The following ITPR3 variants were observed in gnomAD, a reference collection of about 807,000 sequenced individuals.
ITPR3 encodes the protein inositol 1,4,5-trisphosphate-gated calcium channel ITPR3.
A neutral mutation model predicts 293.2 loss-of-function variants in ITPR3; 173 were observed. The observed-to-expected ratio is 0.59, with a 90% CI of 0.52 to 0.67. The LOEUF (loss-of-function observed/expected upper bound fraction) is 0.67. Ranked by LOEUF, ITPR3 falls within the 30% of genes least tolerant of loss-of-function variation. ITPR3 has a pLI of 0.00. For missense variants in ITPR3, 2,796 were observed against 3,592.1 expected (o/e 0.78, Z 5.66); for synonymous variants, 1,295 against 1,444.4 (o/e 0.90, Z 2.35).
At chr6:33,686,381 C>A in intron 42 of ITPR3, 28 bp from the exon 43 acceptor site, 1 of 1,603,232 alleles carries the variant, frequency 6.2e-7, no homozygotes, top group Non-Finnish European at 8.5e-7. Context: ...AGGGCCTGGG[C>A]CCTGTGTCCC....
chr6:33,658,768 C>T lies in ITPR3; in HGVS notation c.468C>T (p.Gly156=). The change falls in exon 5 of 58, where the codon GGC becomes GGT. Residue 156 remains glycine, a synonymous_variant. Coordinates refer to ENST00000605930, the MANE Select transcript of ITPR3 (RefSeq NM_002224.4). This position sits in a 1 kb window ranked among gnomAD's most constrained non-coding sequence, Gnocchi z 6.1. ...TGCGGGTGACTCTGGATGCCACAGGCAACGAGGGTTCCTGGCTCTTCATCC... is the reference window on the plus strand; with the variant it reads ...TGCGGGTGACTCTGGATGCCACAGGTAACGAGGGTTCCTGGCTCTTCATCC... The part of the protein sequence containing the change: ...NAMRVTLDAT[G]NEGSWLFIQP... The T allele has an allele frequency of 6.2e-7, 1 of 1,614,178 alleles. No homozygotes were observed. Among genetic ancestry groups the T allele is most frequent in the South Asian group, 1.1e-5 (1 of 91,074 alleles).
chr6:33,622,383 A>G (rs1236383787), intron 1 of ITPR3, among the ~76,000 whole-genome samples: 1 of 152,186 alleles, frequency 6.6e-6, no homozygotes. Flanking sequence ...TCTGGGCTGG[A>G]TGAACAGGGA....
intron 2 of ITPR3, among the ~76,000 whole-genome samples, chr6:33,648,981 CCTCTGCCTCCCAGGCAGGTTCAAGCAATT>C (rs1376085864): frequency 3.3e-5 from 5 of 152,190 alleles, no homozygotes; most frequent in African/African-American, 1.2e-4. Context: ...CTCACTGCAA[CCTCTGCCTCCCAGGCAGGTTCAAGCAATT>C]CTCTGCCTCA....
rs1162037448 is a variant in ITPR3 at position 33,675,099 on chromosome 6, G to A, written c.3117-592G>A. Among the ~76,000 whole-genome samples, 4 of 152,148 alleles carry A rather than the reference G, an allele frequency of 2.6e-5. No individual in the cohort carries two copies. Among genetic ancestry groups the A allele is most frequent in the African/African-American group, 7.2e-5 (3 of 41,426 alleles). ...CCCCGCTTCTATCCATGAATCCCCC[G>A]CATGGTGGCAGTGGGATCTGTGTTA... On this transcript the variant is annotated intron_variant, in intron 24 of 57. Transcript: ENST00000605930. The surrounding 1 kb of genome is among the most constrained non-coding windows in gnomAD (Gnocchi z 5.0).
rs1764894739 is a variant in ITPR3 at position 33,675,899 on chromosome 6, A to G, written c.3282+43A>G. 6.6e-7 allele frequency: 1 copy of G among 1,511,388 alleles called. No homozygotes were observed. The highest frequency in any genetic ancestry group is 2.2e-5 in the Admixed American group (1 of 46,086). 93.6% of individuals were successfully genotyped at this position (1,511,388 alleles called of 1,614,324 possible). On this transcript the variant is annotated intron_variant, in intron 25 of 57. Coordinates refer to ENST00000605930, the MANE Select transcript of ITPR3 (RefSeq NM_002224.4). This position sits in a 1 kb window ranked among gnomAD's most constrained non-coding sequence, Gnocchi z 5.0. ...CCCTGGCCCTGAGCATGAGGCCTGC[A>G]CCAGGCACGGGGGGACAGTAAACGA...
At position 33,674,288 on chromosome 6, in the gene ITPR3, G is replaced by C. The variant is rs112080481; in HGVS notation, c.3116+23G>C. ...GGGGTGAGGCCAGGGTTGAGCTGCA[G>C]GGGTGTGTGGGGTTGGGAGGCTCGA... is the stretch of plus-strand genomic sequence containing the variant. On this transcript the variant is annotated intron_variant, in intron 24 of 57. Transcript: ENST00000605930. The C allele has an allele frequency of 4.2e-3, 6,795 of 1,612,322 alleles. 211 individuals carry two copies. In the African/African-American group the frequency reaches 0.07, roughly 17 times the overall value.
rs765948063 is a variant in ITPR3, at chr6:33,688,399, A to G, written c.6536A>G (p.His2179Arg). 33 of 1,504,532 alleles carry G rather than the reference A, an allele frequency of 2.2e-5. No homozygotes were observed. Among genetic ancestry groups the G allele is most frequent in the Non-Finnish European group, 2.9e-5 (32 of 1,115,166 alleles). The allele number at this position is 1,504,532 out of a possible 1,614,324, so 93.2% of individuals were successfully genotyped here. The part of the protein sequence containing the change: ...SDFFDQSSFL[H>R]NEMEWQRKLR... ...TTCTTCGACCAGTCCTCCTTCCTGC[A>G]CAACGAGATGGAGTGGCAGCGCAAG... is the stretch of plus-strand genomic sequence containing the variant. The change falls in exon 48 of 58, where the codon CAC (histidine) becomes CGC (arginine). Residue 2179 changes from histidine (H) to arginine (R), a missense_variant. By Grantham distance (29) the His-to-Arg change is conservative. Coordinates refer to ENST00000605930, the MANE Select transcript of ITPR3 (RefSeq NM_002224.4).
intron 7 of ITPR3, among the ~76,000 whole-genome samples, chr6:33,660,340 A>T (rs1056263141): frequency 1.7e-4 from 26 of 151,968 alleles, no homozygotes; most frequent in Admixed American, 1.7e-3. Flanking sequence ...AAGGAGTCTT[A>T]GGTGCTCCTC....
Position 33,688,761 on chromosome 6 carries a change from A to C in ITPR3, c.6674A>C (p.Tyr2225Ser). ...INIIIAFFYPYMEGASTGVLD... is the reference protein window; with the variant it reads ...INIIIAFFYPSMEGASTGVLD... ...ATCATCATTGCCTTCTTCTACCCTT[A>C]CATGGAGGGCGCGTCCACAGGTGAG... Residue 2225 changes from tyrosine to serine, a missense_variant, in exon 49 of 58, where the codon TAC (tyrosine) becomes TCC (serine). Tyr to Ser is a moderately radical substitution (Grantham distance 144). Transcript: ENST00000605930. 6.2e-7 allele frequency: 1 copy of C among 1,614,190 alleles called. No individual in the cohort carries two copies. The highest frequency in any genetic ancestry group is 8.5e-7 in the Non-Finnish European group (1 of 1,180,022).
Position 33,624,952 on chromosome 6 carries a change from G to A in ITPR3, c.89+3261G>A, listed in dbSNP as rs1763518035. ...TTGTACATTAACTCTAGGTGGGAAGGATGGGAGGGATCTGGGTAGTGGATC... is the reference window on the plus strand; with the variant it reads ...TTGTACATTAACTCTAGGTGGGAAGAATGGGAGGGATCTGGGTAGTGGATC... On this transcript the variant is annotated intron_variant, in intron 1 of 57. Transcript: ENST00000605930. This position sits in a 1 kb window ranked among gnomAD's most constrained non-coding sequence, Gnocchi z 4.7. 6.6e-6 allele frequency among the ~76,000 whole-genome samples: 1 copy of A among 152,218 alleles called. No individual in the cohort carries two copies. Among genetic ancestry groups the A allele is most frequent in the African/African-American group, 2.4e-5 (1 of 41,454 alleles).
At position 33,632,923 on chromosome 6, in the gene ITPR3, G is replaced by A. The variant is rs1458681729; in HGVS notation, c.90-7561G>A. Among the ~76,000 whole-genome samples, 1 of 152,236 alleles carries A rather than the reference G, an allele frequency of 6.6e-6. No homozygotes were observed. The highest frequency in any genetic ancestry group is 1.5e-5 in the Non-Finnish European group (1 of 68,044). On this transcript the variant is annotated intron_variant, in intron 1 of 57. Coordinates refer to ENST00000605930, the MANE Select transcript of ITPR3 (RefSeq NM_002224.4). This position sits in a 1 kb window ranked among gnomAD's most constrained non-coding sequence, Gnocchi z 4.1. ...TAGTAGGCTCGTGGTGAGGTCTGTC[G>A]AGTAGATGGAGGCCTGGGTTGTGTC...
Position 33,690,156 on chromosome 6 carries a change from T to C in ITPR3, c.6990T>C (p.Ser2330=), listed in dbSNP as rs1272915250. The C allele has an allele frequency of 1.9e-6, 3 of 1,613,664 alleles. No individual in the cohort carries two copies. The highest frequency in any genetic ancestry group is 2.5e-6 in the Non-Finnish European group (3 of 1,179,878). The change falls in exon 51 of 58, where the codon AGT becomes AGC. Residue 2330 remains serine, a synonymous_variant. Coordinates refer to ENST00000605930, the MANE Select transcript of ITPR3 (RefSeq NM_002224.4). ...ACCACGTGGGCTACATCCTGACCAGTGTCCTGGGCCTCTTTGCTCATGAGC... is the reference window on the plus strand; with the variant it reads ...ACCACGTGGGCTACATCCTGACCAGCGTCCTGGGCCTCTTTGCTCATGAGC... ...FLYHVGYILT[S]VLGLFAHELF... is the part of the protein sequence containing the mutation.
Position 33,656,234 on chromosome 6 carries a change from C to G in ITPR3, c.282+347C>G, listed in dbSNP as rs557694584. ...GATGTGGGGGGAGTAGGATCCCTTC[C>G]CAGTGACCCACCAGTCTGTGTAACT... On this transcript the variant is annotated intron_variant, in intron 3 of 57. Transcript: ENST00000605930. 3.3e-5 allele frequency among the ~76,000 whole-genome samples: 5 copies of G among 152,262 alleles called. No homozygotes were observed. The East Asian group carries it at 9.6e-4, about 29-fold the overall frequency.
rs559794670 is a variant in ITPR3, at chr6:33,695,913, T to C, written c.*133T>C. On this transcript the variant is annotated 3_prime_UTR_variant, in exon 58 of 58. Coordinates refer to ENST00000605930, the MANE Select transcript of ITPR3 (RefSeq NM_002224.4). Reference sequence around the variant, plus strand: ...TCCACTCCCACTCTGCCAGACACCCTGACACCCACCCAGGCTTTGAAGAGC... The same window carrying C: ...TCCACTCCCACTCTGCCAGACACCCCGACACCCACCCAGGCTTTGAAGAGC... 2.6e-6 allele frequency: 2 copies of C among 764,542 alleles called. No homozygotes were observed. Among genetic ancestry groups the C allele is most frequent in the Admixed American group, 2.1e-5 (1 of 46,906 alleles). 47.4% of individuals were successfully genotyped at this position (764,542 alleles called of 1,614,324 possible).
Position 33,687,040 on chromosome 6 carries a change from T to C in ITPR3, c.6011T>C (p.Met2004Thr), listed in dbSNP as rs1391298329. The C allele has an allele frequency of 1.2e-6, 2 of 1,613,968 alleles. No individual in the cohort carries two copies. The highest frequency in any genetic ancestry group is 1.7e-6 in the Non-Finnish European group (2 of 1,179,962). The change falls in exon 44 of 58, where the codon ATG becomes ACG. Residue 2004 changes from methionine to threonine, a missense_variant. Met to Thr is a moderately conservative substitution (Grantham distance 81). Coordinates refer to ENST00000605930, the MANE Select transcript of ITPR3 (RefSeq NM_002224.4). The surrounding 1 kb of genome is among the most constrained non-coding windows in gnomAD (Gnocchi z 5.3). ...DNASKLLLALMESRHDSENAE... is the reference protein window; with the variant it reads ...DNASKLLLALTESRHDSENAE... The stretch of plus-strand genomic sequence containing the variant: ...GCCTCCAAGCTGCTCCTGGCTCTGA[T>C]GGAGAGCCGGCATGACAGTGAAAAT...
In ITPR3 at chr6:33,655,655, C is replaced by T. The variant is rs1045967189; in HGVS notation, c.161-111C>T. On this transcript the variant is annotated intron_variant, in intron 2 of 57. Coordinates refer to ENST00000605930, the MANE Select transcript of ITPR3 (RefSeq NM_002224.4). The surrounding 1 kb of genome is among the most constrained non-coding windows in gnomAD (Gnocchi z 4.9). Reference sequence around the variant, plus strand: ...CTTCCTCTCTACCTGCAGCGGGGAACGGGGGTGGGGAAGGGTTGGGAGAGA... The same window carrying T: ...CTTCCTCTCTACCTGCAGCGGGGAATGGGGGTGGGGAAGGGTTGGGAGAGA... 1.8e-5 allele frequency: 25 copies of T among 1,406,068 alleles called. No individual in the cohort carries two copies. Among genetic ancestry groups the T allele is most frequent in the African/African-American group, 1.4e-4 (10 of 70,586 alleles). 87.1% of individuals were successfully genotyped at this position (1,406,068 alleles called of 1,614,324 possible). A position where few individuals can be genotyped will look rare whatever the true frequency, so the allele number is the denominator to read the frequency against.
intron 55 of ITPR3, among the ~76,000 whole-genome samples, chr6:33,693,310 T>C (rs1275053636): frequency 6.6e-6 from 1 of 152,204 alleles, no homozygotes; most frequent in Non-Finnish European, 1.5e-5. Flanking sequence ...TCGCGTTTAC[T>C]CCTGGAGTCC....
chr6:33,691,748 T>C lies in ITPR3; in HGVS notation c.7330+29T>C, dbSNP rs1358085434. Reference sequence around the variant, plus strand: ...AGGGTGGTGTGTGTGCAGGAGTCTGTGTGGGGTAGGAGGAGCAGGCAGCCC... The same window carrying C: ...AGGGTGGTGTGTGTGCAGGAGTCTGCGTGGGGTAGGAGGAGCAGGCAGCCC... On this transcript the variant is annotated intron_variant, in intron 53 of 57. Transcript: ENST00000605930. The surrounding 1 kb of genome is among the most constrained non-coding windows in gnomAD (Gnocchi z 4.9). The C allele has an allele frequency of 2.5e-6, 4 of 1,611,776 alleles. No individual in the cohort carries two copies. Among genetic ancestry groups the C allele is most frequent in the Non-Finnish European group, 2.5e-6 (3 of 1,179,312 alleles).
At chr6:33,662,406 G>A in intron 7 of ITPR3, 122 bp from the exon 8 acceptor site, 4 of 1,156,136 alleles carry the variant, frequency 3.5e-6, no homozygotes, top group Non-Finnish European at 4.8e-6. Flanking sequence ...CTGTGTGCTG[G>A]CTCTGGAAGA....
Sources: allele counts gnomAD v4.1 joint callset (sites outside exome capture counted in the v4.1 genomes callset), GRCh38; gene constraint gnomAD v4.1.1; non-coding constraint Gnocchi (gnomAD v3.1); transcripts MANE v1.5; gene names NCBI Gene and HGNC (gene_info 2026-07-23, HGNC 2026-07-21).